The following ITPRID1 variants were observed in gnomAD, a reference collection of about 807,000 sequenced individuals.
The protein encoded by ITPRID1 is ITPR interacting domain containing 1.
A neutral mutation model predicts 95.4 loss-of-function variants in ITPRID1; 96 were observed. That is an observed-to-expected ratio of 1.01 (90% CI 0.85 to 1.19). The LOEUF (loss-of-function observed/expected upper bound fraction) is 1.19. Among genes scored for constraint, ITPRID1 ranks in the 50% most tolerant of loss-of-function variants. The pLI is 0.00. For synonymous variants in ITPRID1, 510 were observed against 453.6 expected (o/e 1.12, Z -1.58); for missense variants, 1,339 against 1,252.9 (o/e 1.07, Z -1.04).
intron 1 of ITPRID1, among the ~76,000 whole-genome samples, chr7:31,537,950 T>C (rs1229267662): frequency 2.0e-5 from 3 of 152,202 alleles, no homozygotes; most frequent in African/African-American, 4.8e-5. Flanking sequence ...TCAAGAACCA[T>C]ACATTGTCAC....
intron 10 of ITPRID1, among the ~76,000 whole-genome samples, chr7:31,627,459 ACCAG>A (rs1788569152): frequency 6.6e-6 from 1 of 152,088 alleles, no homozygotes; most frequent in African/African-American, 2.4e-5. Flanking sequence ...GGAGTTCAAG[ACCAG>A]CCTGGGCAAC....
At chr7:31,595,354 A>G (rs1786043245) in intron 10 of ITPRID1, among the ~76,000 whole-genome samples, 3 of 151,234 alleles carry the variant, frequency 2.0e-5, no homozygotes, top group African/African-American at 7.3e-5. Context: ...CTACACACAC[A>G]CACACACACA....
intron 2 of ITPRID1, among the ~76,000 whole-genome samples, chr7:31,550,554 T>A (rs1409716299): frequency 6.6e-6 from 1 of 151,958 alleles, no homozygotes; most frequent in East Asian, 1.9e-4. Flanking sequence ...GCTCTGGGGG[T>A]CAAGTAAGTG....
At chr7:31,538,667 AT>A (rs1287849145) in intron 1 of ITPRID1, among the ~76,000 whole-genome samples, 12 of 152,194 alleles carry the variant, frequency 7.9e-5, no homozygotes, top group Non-Finnish European at 1.3e-4. Flanking sequence ...ATTACATTTC[AT>A]TTATTAAAAC....
chr7:31,519,620 C>CTCTCTCTATATATATATATATATATATA, intron 1 of ITPRID1, among the ~76,000 whole-genome samples: 3 of 25,262 alleles, frequency 1.2e-4, no homozygotes, highest in Non-Finnish European at 1.5e-4. Context: ...CTCTCTCTCT[C>CTCTCTCTATATATATATATATATATATA]TATATATATA....
intron 10 of ITPRID1, among the ~76,000 whole-genome samples, chr7:31,604,570 G>C (rs1786533746): frequency 6.6e-6 from 1 of 152,122 alleles, no homozygotes; most frequent in African/African-American, 2.4e-5. Flanking sequence ...ACCAAACGGG[G>C]AACAAACCAA....
intron 10 of ITPRID1, among the ~76,000 whole-genome samples, chr7:31,612,794 A>G (rs1786935162): frequency 6.6e-6 from 1 of 152,158 alleles, no homozygotes. Flanking sequence ...GGGTCTTCTC[A>G]GATCTTTCTT....
In ITPRID1 at chr7:31,643,769, C is replaced by T; in HGVS notation, c.2399C>T (p.Ala800Val). Reference protein sequence around the residue: ...SSICPMGTCHAIPAHCCICCH... With the variant: ...SSICPMGTCHVIPAHCCICCH... ...ATCTGCCCAATGGGCACCTGCCATG[C>T]TATACCTGCCCACTGCTGCATCTGC... The change falls in exon 12 of 15, where the codon GCT (alanine) becomes GTT (valine). Residue 800 changes from alanine (A) to valine (V), a missense_variant. Physicochemically the swap from Ala to Val is moderately conservative, Grantham distance 64 (BLOSUM62 0). Transcript: ENST00000615280. 2 of 1,614,036 alleles carry T rather than the reference C, an allele frequency of 1.2e-6. No individual in the cohort carries two copies. Among genetic ancestry groups the T allele is most frequent in the South Asian group, 1.1e-5 (1 of 91,086 alleles).
At chr7:31,630,247 A>AC (rs1788872891) in intron 10 of ITPRID1, among the ~76,000 whole-genome samples, 1 of 150,756 alleles carries the variant, frequency 6.6e-6, no homozygotes, top group Non-Finnish European at 1.5e-5. Context: ...TACTTGGCAA[A>AC]AAAAAAAAAA....
intron 3 of ITPRID1, among the ~76,000 whole-genome samples, chr7:31,553,858 G>A (rs923382347): frequency 6.6e-6 from 1 of 152,174 alleles, no homozygotes; most frequent in African/African-American, 2.4e-5. Context: ...ATATTTAACA[G>A]GAAATGCTGC....
chr7:31,587,665 A>T (rs1333917236), intron 10 of ITPRID1, among the ~76,000 whole-genome samples: 1 of 151,518 alleles, frequency 6.6e-6, no homozygotes, highest in Non-Finnish European at 1.5e-5. Context: ...GAACCAAAAA[A>T]GAGCCCGCGT....
chr7:31,608,018 TTC>T (rs1786701900), intron 10 of ITPRID1, among the ~76,000 whole-genome samples: 1 of 152,166 alleles, frequency 6.6e-6, no homozygotes, highest in Admixed American at 6.5e-5. Flanking sequence ...CAATGATAGT[TTC>T]TGTGTATACA....
intron 7 of ITPRID1, among the ~76,000 whole-genome samples, chr7:31,574,311 G>C (rs1177507396): frequency 6.6e-6 from 1 of 152,152 alleles, no homozygotes; most frequent in Non-Finnish European, 1.5e-5. Context: ...TGGGAAGCCA[G>C]TTAAGTAAAC....
At chr7:31,577,616 G>A (rs1360267588) in intron 8 of ITPRID1, among the ~76,000 whole-genome samples, 7 of 152,124 alleles carry the variant, frequency 4.6e-5, no homozygotes, top group African/African-American at 1.7e-4. Flanking sequence ...AATCTAAATA[G>A]TTATGCGTAT....
Position 31,578,102 on chromosome 7 carries a change from A to G in ITPRID1, c.838A>G (p.Lys280Glu). ...AGAGGTATCAGAGTCCTTCAAGGTG[A>G]AGGATGAAGTTTTTGTTCCCTTTAC... is the stretch of plus-strand genomic sequence containing the variant. ...NPEVSESFKVKDEVFVPFTKP... is the reference protein window; with the variant it reads ...NPEVSESFKVEDEVFVPFTKP... The change falls in exon 9 of 15, where the codon AAG (lysine) becomes GAG (glutamate). Residue 280 changes from lysine to glutamate, a missense_variant. Physicochemically the swap from Lys to Glu is moderately conservative, Grantham distance 56. Coordinates refer to ENST00000615280, the MANE Select transcript of ITPRID1 (RefSeq NM_001257967.3). 1 of 1,613,766 alleles carries G rather than the reference A, an allele frequency of 6.2e-7. No individual in the cohort carries two copies. Among genetic ancestry groups the G allele is most frequent in the Non-Finnish European group, 8.5e-7 (1 of 1,179,820 alleles).
chr7:31,584,271 T>C (rs1405246224), intron 10 of ITPRID1, among the ~76,000 whole-genome samples: 1 of 152,244 alleles, frequency 6.6e-6, no homozygotes, highest in Non-Finnish European at 1.5e-5. Context: ...AAAGTGTATG[T>C]ATGGGCCTCA....
chr7:31,617,755 A>C (rs1219071330), intron 10 of ITPRID1, among the ~76,000 whole-genome samples: 9 of 152,308 alleles, frequency 5.9e-5, no homozygotes, highest in African/African-American at 1.9e-4. Context: ...AAATGAGTTC[A>C]ATGAGTTTGG....
rs79427586 is a variant in ITPRID1 at position 31,572,055 on chromosome 7, ACTAT to A, written c.309-43_309-40del. The A allele has an allele frequency of 5.3e-4, 649 of 1,223,436 alleles. 6 individuals are homozygous for A. The East Asian group carries it at 0.014, about 26-fold the overall frequency. The allele number at this position is 1,223,436 out of a possible 1,614,324, so 75.8% of individuals were successfully genotyped here. A position where few individuals can be genotyped will look rare whatever the true frequency, so the allele number is the denominator to read the frequency against. On this transcript the variant is annotated intron_variant, in intron 6 of 14. Transcript: ENST00000615280. ...AAGATTCACAATGACCTCCCAGGAG[ACTAT>A]CTAAATCAACACATCTCATTGTTGA...
rs535025337 is a variant in ITPRID1 at position 31,550,970 on chromosome 7, C to G, written c.-24+1471C>G. On this transcript the variant is annotated intron_variant, in intron 2 of 14. Coordinates refer to ENST00000615280, the MANE Select transcript of ITPRID1 (RefSeq NM_001257967.3). ...TGATACAGAAGCAGCAATTTGAATA[C>G]TATCAGCTACCTGATAGCTTCTTGT... Among the ~76,000 whole-genome samples, 13 of 144,018 alleles carry G rather than the reference C, an allele frequency of 9.0e-5. 3 individuals are homozygous for G. Among genetic ancestry groups the G allele is most frequent in the Non-Finnish European group, 2.0e-4 (13 of 63,754 alleles). The allele number at this position is 144,018 out of a possible 152,430, so 94.5% of individuals were successfully genotyped here. A position where few individuals can be genotyped will look rare whatever the true frequency, so the allele number is the denominator to read the frequency against.
Sources: gnomAD v4.1 joint callset for allele counts (sites outside exome capture counted in the v4.1 genomes callset) on GRCh38, gnomAD v4.1.1 for gene constraint, MANE v1.5 for transcripts, NCBI Gene and HGNC (gene_info 2026-07-23, HGNC 2026-07-21) for gene names.